The following ELAVL2 variants were observed in gnomAD, a reference collection of about 807,000 sequenced individuals.
ELAVL2 encodes ELAV-like protein 2.
In ELAVL2, 4 loss-of-function variants were observed where a neutral mutation model predicts 34.6. That is an observed-to-expected ratio of 0.12 (90% CI 0.06 to 0.26). The LOEUF (loss-of-function observed/expected upper bound fraction) is 0.26. Among genes scored for constraint, ELAVL2 ranks in the 10% least tolerant of loss-of-function variants. ELAVL2 has a pLI of 1.00. For missense variants in ELAVL2, 432 were observed against 442.8 expected (o/e 0.98, Z 0.22); for synonymous variants, 193 against 154.8 (o/e 1.25, Z -1.83).
chr9:23,730,826 G>A (rs1308162271), intron 3 of ELAVL2, among the ~76,000 whole-genome samples, 196 bp downstream of exon 3: 4 of 151,968 alleles, frequency 2.6e-5, no homozygotes, highest in African/African-American at 4.8e-5. Context: ...CCCCCTTTGC[G>A]AATACATGAA....
intron 1 of ELAVL2, chr9:23,779,217 G>A (rs2058697048): frequency 1.0e-6 from 1 of 985,270 alleles, no homozygotes; most frequent in African/African-American, 1.7e-5. Flanking sequence ...AGGAACTGAA[G>A]GGTAAATAAG....
intron 1 of ELAVL2, among the ~76,000 whole-genome samples, chr9:23,763,120 A>G (rs1206546197): frequency 6.6e-6 from 1 of 152,110 alleles, no homozygotes; most frequent in East Asian, 1.9e-4. Context: ...AAATATATCA[A>G]CTTTTGCAAA....
At chr9:23,736,595 T>G (rs916187218) in intron 2 of ELAVL2, among the ~76,000 whole-genome samples, 1 of 152,136 alleles carries the variant, frequency 6.6e-6, no homozygotes, top group African/African-American at 2.4e-5. Flanking sequence ...ACAGTGAAGA[T>G]GTGCAAGACG....
rs530664204 is a variant in ELAVL2, at chr9:23,784,119, A to T, written c.-15-21870T>A. Reference sequence around the variant, plus strand: ...AGGCTGAGACAGGAGAATGGCGTGAACCTGGGAGGCAGAGCTTGCTGTGAG... The same window carrying T: ...AGGCTGAGACAGGAGAATGGCGTGATCCTGGGAGGCAGAGCTTGCTGTGAG... On this transcript the variant is annotated intron_variant, in intron 1 of 6. Transcript: ENST00000397312. Among the ~76,000 whole-genome samples, 4 of 152,132 alleles carry T rather than the reference A, an allele frequency of 2.6e-5. No homozygotes were observed. The South Asian group carries it at 8.3e-4, about 32-fold the overall frequency.
chr9:23,744,504 A>G (rs1360360092), intron 2 of ELAVL2, among the ~76,000 whole-genome samples: 33 of 152,300 alleles, frequency 2.2e-4, no homozygotes. Flanking sequence ...AAAACTTTAA[A>G]TATGTATGCT....
intron 3 of ELAVL2, among the ~76,000 whole-genome samples, chr9:23,723,862 C>G (rs1260577080): frequency 6.6e-6 from 1 of 152,100 alleles, no homozygotes; most frequent in African/African-American, 2.4e-5. Context: ...CCACCACATG[C>G]CCCTTTCAAT....
intron 2 of ELAVL2, among the ~76,000 whole-genome samples, chr9:23,756,736 C>T (rs3793580): frequency 0.03 from 4,536 of 152,226 alleles, 84 homozygotes; most frequent in East Asian, 0.073. Context: ...GAATTAAGTA[C>T]TGCAATTGTT....
intron 2 of ELAVL2, among the ~76,000 whole-genome samples, chr9:23,750,898 C>G (rs1037014424): frequency 3.3e-5 from 5 of 152,166 alleles, no homozygotes; most frequent in African/African-American, 1.2e-4. Context: ...TAAAACTGTT[C>G]TCTCAGGCTC....
At chr9:23,754,282 G>C (rs1269867806) in intron 2 of ELAVL2, among the ~76,000 whole-genome samples, 2 of 152,062 alleles carry the variant, frequency 1.3e-5, no homozygotes, top group Admixed American at 6.6e-5. Flanking sequence ...TCCTCAAATA[G>C]ATGTTTCTTC....
chr9:23,762,304 G>A (rs1011960629), intron 1 of ELAVL2, 55 bp from the exon 2 acceptor site: 14 of 1,574,844 alleles, frequency 8.9e-6, no homozygotes, highest in Non-Finnish European at 1.2e-5. Flanking sequence ...ACCTATTAGA[G>A]ACTCCATCCA....
chr9:23,773,215 T>C (rs2057618515), intron 1 of ELAVL2, among the ~76,000 whole-genome samples: 1 of 152,218 alleles, frequency 6.6e-6, no homozygotes, highest in Non-Finnish European at 1.5e-5. Flanking sequence ...TAAGAGTTAA[T>C]AATGTTTTTC....
chr9:23,811,469 G>A (rs1223111910), intron 1 of ELAVL2, among the ~76,000 whole-genome samples: 2 of 152,200 alleles, frequency 1.3e-5, no homozygotes, highest in African/African-American at 4.8e-5. Flanking sequence ...TGGAAGACAT[G>A]GCCTTAGCCA....
At chr9:23,754,127 G>A (rs1274798609) in intron 2 of ELAVL2, among the ~76,000 whole-genome samples, 1 of 151,980 alleles carries the variant, frequency 6.6e-6, no homozygotes, top group Non-Finnish European at 1.5e-5. Flanking sequence ...ACTGTCTCGT[G>A]GGAGTGACAC....
At position 23,811,243 on chromosome 9, in the gene ELAVL2, C is replaced by T. The variant is rs185823154; in HGVS notation, c.-16+14563G>A. On this transcript the variant is annotated intron_variant, in intron 1 of 6. Transcript: ENST00000397312. ...AGAAACAAGAACACAAATTATTCCC[C>T]GAACAGCCAGTTCCAACTGAAGGAA... is the stretch of plus-strand genomic sequence containing the variant. Among the ~76,000 whole-genome samples the T allele has an allele frequency of 4.3e-3, 654 of 151,998 alleles. 5 individuals are homozygous for T. The highest frequency in any genetic ancestry group is 0.015 in the African/African-American group (621 of 41,438).
upstream of ELAVL2, among the ~76,000 whole-genome samples, chr9:23,830,539 CTA>C (rs1300046405): frequency 6.7e-6 from 1 of 149,714 alleles, no homozygotes; most frequent in African/African-American, 2.4e-5. Context: ...AAAAATGTAA[CTA>C]GTGTCGCGGT....
Position 23,742,218 on chromosome 9 carries a change from C to G in ELAVL2, c.230-11093G>C, listed in dbSNP as rs529913420. ...AGATGACTACATCAGGCAGGGCTTACGATTTTCTGAGACCTCCTTTACACA... is the reference window on the plus strand; with the variant it reads ...AGATGACTACATCAGGCAGGGCTTAGGATTTTCTGAGACCTCCTTTACACA... On this transcript the variant is annotated intron_variant, in intron 2 of 6. Coordinates refer to ENST00000397312, the MANE Select transcript of ELAVL2 (RefSeq NM_004432.5). 3.9e-5 allele frequency among the ~76,000 whole-genome samples: 6 copies of G among 152,236 alleles called. 1 individual carries two copies. In the South Asian group the frequency reaches 1.2e-3, roughly 32 times the overall value.
intron 1 of ELAVL2, among the ~76,000 whole-genome samples, chr9:23,793,590 C>A (rs889211819): frequency 6.6e-6 from 1 of 152,136 alleles, no homozygotes; most frequent in African/African-American, 2.4e-5. Flanking sequence ...TATCATTCCT[C>A]CAAAGAACAT....
In ELAVL2 at chr9:23,803,092, T is replaced by C. The variant is rs548620013; in HGVS notation, c.-16+22714A>G. On this transcript the variant is annotated intron_variant, in intron 1 of 6. Transcript: ENST00000397312. The stretch of plus-strand genomic sequence containing the variant: ...CTTTATGGTGAATCCCTTTAGCCCA[T>C]ATAGATAAACCTTAGAACAGCTTCC... Among the ~76,000 whole-genome samples, 4 of 152,268 alleles carry C rather than the reference T, an allele frequency of 2.6e-5. No homozygotes were observed. In the South Asian group the frequency reaches 6.2e-4, roughly 24 times the overall value.
intron 3 of ELAVL2, among the ~76,000 whole-genome samples, chr9:23,722,759 A>C (rs1161647250): frequency 6.6e-6 from 1 of 152,232 alleles, no homozygotes; most frequent in Admixed American, 6.5e-5. Context: ...TATTTCATCA[A>C]AGGGATTAAG....
Sources: allele counts gnomAD v4.1 joint callset (sites outside exome capture counted in the v4.1 genomes callset), GRCh38; gene constraint gnomAD v4.1.1; transcripts MANE v1.5; gene names NCBI Gene and HGNC (gene_info 2026-07-23, HGNC 2026-07-21).